Variants in KIAA0825 observed in about 807,000 individuals in gnomAD.
The protein encoded by KIAA0825 is uncharacterized protein KIAA0825.
A neutral mutation model predicts 147.6 loss-of-function variants in KIAA0825; 119 were observed. The ratio of observed to expected loss-of-function variants is 0.81; its 90% CI spans 0.69 to 0.94. The LOEUF is 0.94. Ranked by LOEUF, KIAA0825 falls within the 40% of genes least tolerant of loss-of-function variation. KIAA0825 has a pLI of 0.00. For synonymous variants in KIAA0825, 470 were observed against 518.1 expected (o/e 0.91, Z 1.26); for missense variants, 1,381 against 1,472.7 (o/e 0.94, Z 1.02).
Position 94,254,649 on chromosome 5 carries a change from A to C in KIAA0825, c.3711-100525T>G, listed in dbSNP as rs553734690. ...TGGGCTTTAATGAGCTAGACTTCGT[A>C]ACATCTCTATGATATTGACAAGTTT... On this transcript the variant is annotated intron_variant, in intron 20 of 20. Transcript: ENST00000682413. Among the ~76,000 whole-genome samples, 3 of 152,284 alleles carry C rather than the reference A, an allele frequency of 2.0e-5. No homozygotes were observed. The East Asian group carries it at 5.8e-4, about 29-fold the overall frequency.
intron 1 of KIAA0825, among the ~76,000 whole-genome samples, chr5:94,608,800 T>A (rs899243674): frequency 4.0e-5 from 6 of 151,886 alleles, no homozygotes; most frequent in African/African-American, 1.5e-4. Flanking sequence ...ATTTGTATAC[T>A]GTCAGATGGA....
chr5:94,312,991 A>G (rs958067480), intron 20 of KIAA0825, among the ~76,000 whole-genome samples: 17 of 151,682 alleles, frequency 1.1e-4, no homozygotes, highest in African/African-American at 3.9e-4. Context: ...TTGAAAATAC[A>G]TAAGTATACA....
At chr5:94,358,236 C>A (rs1414672234) in intron 20 of KIAA0825, among the ~76,000 whole-genome samples, 1 of 152,188 alleles carries the variant, frequency 6.6e-6, no homozygotes, top group African/African-American at 2.4e-5. Context: ...GCTCTACACA[C>A]TGAAAAGTCT....
chr5:94,236,946 A>G (rs1775074782), intron 20 of KIAA0825, among the ~76,000 whole-genome samples: 1 of 152,144 alleles, frequency 6.6e-6, no homozygotes, highest in African/African-American at 2.4e-5. Flanking sequence ...GTGCACTGGA[A>G]AAACTTTGTG....
chr5:94,419,332 C>T (rs2077630729), intron 14 of KIAA0825, among the ~76,000 whole-genome samples: 1 of 152,158 alleles, frequency 6.6e-6, no homozygotes, highest in African/African-American at 2.4e-5. Flanking sequence ...CTCTGCAGTT[C>T]CCTCTTCTTT....
intron 13 of KIAA0825, among the ~76,000 whole-genome samples, chr5:94,449,697 T>C (rs899636212): frequency 1.3e-4 from 20 of 152,212 alleles, no homozygotes; most frequent in African/African-American, 4.3e-4. Flanking sequence ...GATGCAGCAC[T>C]GGAAATCATC....
chr5:94,498,965 CG>C (rs1554294129), intron 5 of KIAA0825, among the ~76,000 whole-genome samples: 1 of 152,134 alleles, frequency 6.6e-6, no homozygotes, highest in Non-Finnish European at 1.5e-5. Context: ...TAATTTAAAA[CG>C]GTCTTATAAG....
In KIAA0825 at chr5:94,485,777, A is replaced by C. The variant is rs1476682197; in HGVS notation, c.971-847T>G. ...AACATTTTACAAAACACTATATTAA[A>C]GATACACTCTTTAAGACCTTATAAG... On this transcript the variant is annotated intron_variant, in intron 5 of 20. Coordinates refer to ENST00000682413, the MANE Select transcript of KIAA0825 (RefSeq NM_001145678.3). Among the ~76,000 whole-genome samples the C allele has an allele frequency of 2.0e-5, 3 of 151,852 alleles. No homozygotes were observed. In the East Asian group the frequency reaches 5.8e-4, roughly 29 times the overall value.
chr5:94,449,458 A>G (rs1223533507), intron 13 of KIAA0825, among the ~76,000 whole-genome samples: 2 of 152,350 alleles, frequency 1.3e-5, no homozygotes, highest in Non-Finnish European at 1.5e-5. Context: ...ATAATAAACT[A>G]GGACTAGAGG....
At chr5:94,203,278 C>T (rs1771863712) in intron 20 of KIAA0825, among the ~76,000 whole-genome samples, 1 of 152,110 alleles carries the variant, frequency 6.6e-6, no homozygotes, top group African/African-American at 2.4e-5. Flanking sequence ...CCATTAAGAA[C>T]TAATAAATAA....
intron 18 of KIAA0825, 120 bp downstream of exon 18, chr5:94,391,415 T>C (rs1749874971): frequency 4.5e-6 from 4 of 898,830 alleles, no homozygotes; most frequent in South Asian, 1.6e-5. Flanking sequence ...TAATGCAATA[T>C]TGAGTTTGGT....
chr5:94,489,246 C>G (rs538246315), intron 5 of KIAA0825, among the ~76,000 whole-genome samples: 7 of 152,176 alleles, frequency 4.6e-5, no homozygotes, highest in Non-Finnish European at 1.0e-4. Flanking sequence ...GAAGGCTAAA[C>G]AGAACCACCC....
chr5:94,178,751 C>T (rs1208741640), intron 20 of KIAA0825, among the ~76,000 whole-genome samples: 3 of 151,922 alleles, frequency 2.0e-5, no homozygotes, highest in African/African-American at 7.3e-5. Flanking sequence ...ATGTTTTGGC[C>T]ATGTATTAAA....
intron 20 of KIAA0825, among the ~76,000 whole-genome samples, chr5:94,230,719 GGTAT>G (rs1215926892): frequency 6.6e-6 from 1 of 152,112 alleles, no homozygotes; most frequent in Non-Finnish European, 1.5e-5. Flanking sequence ...TAAAGGCAAA[GGTAT>G]GTATGGGCTC....
intron 5 of KIAA0825, among the ~76,000 whole-genome samples, chr5:94,493,858 A>C (rs1352511973): frequency 6.6e-6 from 1 of 152,022 alleles, no homozygotes; most frequent in Non-Finnish European, 1.5e-5. Context: ...CATTGATAGG[A>C]GTAGTAATCA....
chr5:94,220,937 A>T (rs1562319733), intron 20 of KIAA0825, among the ~76,000 whole-genome samples: 1 of 152,208 alleles, frequency 6.6e-6, no homozygotes, highest in Non-Finnish European at 1.5e-5. Flanking sequence ...ACATATATGC[A>T]TTAGTATGAC....
intron 20 of KIAA0825, among the ~76,000 whole-genome samples, chr5:94,285,534 TG>T (rs1777632909): frequency 6.6e-6 from 1 of 152,140 alleles, no homozygotes; most frequent in Non-Finnish European, 1.5e-5. Flanking sequence ...ATGTAAGTTT[TG>T]TGTACTGAAA....
At chr5:94,547,698 G>A (rs6886954) in intron 2 of KIAA0825, among the ~76,000 whole-genome samples, 4,673 of 144,564 alleles carry the variant, frequency 0.032, 229 homozygotes, top group African/African-American at 0.11. Context: ...GATTGAGCCA[G>A]TGCACTCCAG....
intron 20 of KIAA0825, among the ~76,000 whole-genome samples, chr5:94,156,601 T>C (rs1414424181): frequency 6.6e-6 from 1 of 152,202 alleles, no homozygotes; most frequent in Non-Finnish European, 1.5e-5. Flanking sequence ...ATGAATCATA[T>C]ACATAATAGA....
Sources: gnomAD v4.1 joint callset for allele counts (sites outside exome capture counted in the v4.1 genomes callset) on GRCh38, gnomAD v4.1.1 for gene constraint, MANE v1.5 for transcripts, NCBI Gene and HGNC (gene_info 2026-07-23, HGNC 2026-07-21) for gene names.